The following LIMK2 variants were observed in gnomAD, a reference collection of about 807,000 sequenced individuals.
The protein encoded by LIMK2 is LIM domain kinase 2.
A neutral mutation model predicts 75.7 loss-of-function variants in LIMK2; 35 were observed. That is an observed-to-expected ratio of 0.46 (90% CI 0.35 to 0.61). The LOEUF (loss-of-function observed/expected upper bound fraction) is 0.61. Ranked by LOEUF, LIMK2 falls within the 20% of genes least tolerant of loss-of-function variation. The probability of loss-of-function intolerance (pLI) is 0.00; values close to 1 mark genes in which losing one functional copy is unlikely to be tolerated. For missense variants in LIMK2, 623 were observed against 831.0 expected, an observed-to-expected ratio of 0.75 and a Z score of 3.08; for synonymous variants, 301 against 319.2, an observed-to-expected ratio of 0.94 and a Z score of 0.61.
At chr22:31,244,768 C>T (rs931869538) in intron 2 of LIMK2, among the ~76,000 whole-genome samples, 2 of 152,186 alleles carry the variant, frequency 1.3e-5, no homozygotes, top group African/African-American at 4.8e-5. Flanking sequence ...CATTTATCAA[C>T]CTTTAATGTG....
intron 2 of LIMK2, among the ~76,000 whole-genome samples, chr22:31,236,158 A>T (rs553218027): frequency 2.0e-4 from 31 of 151,852 alleles, no homozygotes; most frequent in Non-Finnish European, 3.7e-4. Flanking sequence ...GCCAGGCATG[A>T]TGGCGGGTGC....
At chr22:31,263,179 A>T (rs760719391) in intron 7 of LIMK2, among the ~76,000 whole-genome samples, 2 of 152,220 alleles carry the variant, frequency 1.3e-5, no homozygotes, top group African/African-American at 2.4e-5. Flanking sequence ...CAAAAGATGA[A>T]TGAACGTTTT....
In LIMK2 at chr22:31,273,438, C is replaced by T; in HGVS notation, c.1559-14C>T. The T allele has an allele frequency of 6.8e-6, 11 of 1,612,256 alleles. No individual in the cohort carries two copies. The highest frequency in any genetic ancestry group is 9.3e-6 in the Non-Finnish European group (11 of 1,178,416). On this transcript the variant is annotated splice_polypyrimidine_tract_variant and intron_variant, in intron 13 of 15. Coordinates refer to ENST00000331728, the MANE Select transcript of LIMK2 (RefSeq NM_005569.4). Reference sequence around the variant, plus strand: ...GATGTAAACTTAACAGTGTGCTCTCCTGTGTTCCCCAAGGAAAGAGCTATG... The same window carrying T: ...GATGTAAACTTAACAGTGTGCTCTCTTGTGTTCCCCAAGGAAAGAGCTATG...
chr22:31,273,495 C>T lies in LIMK2; in HGVS notation c.1602C>T (p.Ile534=), dbSNP rs768335627. The change falls in exon 14 of 16, where the codon ATC becomes ATT. Residue 534 remains isoleucine, a synonymous_variant. Coordinates refer to ENST00000331728, the MANE Select transcript of LIMK2 (RefSeq NM_005569.4). Reference sequence around the variant, plus strand: ...CGGTGGATATCTTCTCCTTTGGGATCGTTCTCTGTGAGGTGAGCTCTGGCA... The same window carrying T: ...CGGTGGATATCTTCTCCTTTGGGATTGTTCTCTGTGAGGTGAGCTCTGGCA... ...DETVDIFSFG[I]VLCEIIGQVY... 3.1e-6 allele frequency: 5 copies of T among 1,613,702 alleles called. No homozygotes were observed. The highest frequency in any genetic ancestry group is 2.2e-5 in the East Asian group (1 of 44,880).
At chr22:31,215,342 A>T (rs1188075586) in intron 1 of LIMK2, among the ~76,000 whole-genome samples, 1 of 152,262 alleles carries the variant, frequency 6.6e-6, no homozygotes, top group East Asian at 1.9e-4. Flanking sequence ...TAACCGGAGA[A>T]TCGATAACAA....
At chr22:31,264,650 C>T (rs1012095661) in intron 7 of LIMK2, among the ~76,000 whole-genome samples, 5 of 152,202 alleles carry the variant, frequency 3.3e-5, no homozygotes, top group African/African-American at 4.8e-5. Flanking sequence ...TGGCCAGGCA[C>T]GGTGGCTCAC....
intron 2 of LIMK2, among the ~76,000 whole-genome samples, chr22:31,256,050 G>A (rs13055820): frequency 8.0e-6 from 1 of 125,626 alleles, no homozygotes; most frequent in Non-Finnish European, 1.6e-5. Context: ...CCAGGCTGGA[G>A]TGCAGTGGTG....
intron 4 of LIMK2, 43 bp from the exon 5 acceptor site, chr22:31,259,846 G>T: frequency 6.4e-7 from 1 of 1,558,984 alleles, no homozygotes; most frequent in Non-Finnish European, 8.6e-7. Flanking sequence ...GGGCTTCTGT[G>T]TGGGACTCTA....
chr22:31,259,932 A>G lies in LIMK2; in HGVS notation c.406A>G (p.Arg136Gly). Residue 136 changes from arginine (R) to glycine (G), a missense_variant, in exon 5 of 16, where the codon AGA (arginine) becomes GGA (glycine). Arg to Gly is a moderately radical substitution (Grantham distance 125, BLOSUM62 -2). This residue lies in a region of LIMK2 where 514 missense variants were observed against 661.3 expected (regional missense o/e 0.78). Transcript: ENST00000331728. ...NEVVLAPMFE[R>G]LSTESVQEQL... The stretch of plus-strand genomic sequence containing the variant: ...GGTGGTGCTGGCACCCATGTTTGAG[A>G]GACTCTCCACAGAGTCTGTTCAGGA... 3.1e-6 allele frequency: 5 copies of G among 1,609,954 alleles called. No individual in the cohort carries two copies. The highest frequency in any genetic ancestry group is 4.2e-6 in the Non-Finnish European group (5 of 1,178,922).
chr22:31,264,968 T>G lies in LIMK2; in HGVS notation c.855-978T>G, dbSNP rs192160088. On this transcript the variant is annotated intron_variant, in intron 7 of 15. Transcript: ENST00000331728. Reference sequence around the variant, plus strand: ...CAGCACTTAGGGAGGCCGAGACAGATGGATCGCGAGATCAGGAGTTCGAGA... The same window carrying G: ...CAGCACTTAGGGAGGCCGAGACAGAGGGATCGCGAGATCAGGAGTTCGAGA... 1.6e-3 allele frequency among the ~76,000 whole-genome samples: 240 copies of G among 150,318 alleles called. 2 individuals carry two copies. The highest frequency in any genetic ancestry group is 5.7e-3 in the African/African-American group (233 of 40,694).
chr22:31,268,304 G>A (rs1205021014), intron 11 of LIMK2, 104 bp downstream of exon 11: 1 of 924,062 alleles, frequency 1.1e-6, no homozygotes, highest in Admixed American at 1.7e-5. Context: ...CAACTTGTGT[G>A]GGCTGGGTCA....
At chr22:31,233,364 T>G (rs762441916) in intron 2 of LIMK2, among the ~76,000 whole-genome samples, 1 of 152,262 alleles carries the variant, frequency 6.6e-6, no homozygotes, top group Non-Finnish European at 1.5e-5. Context: ...TCTGTCAGTC[T>G]TGAAATGTTC....
At chr22:31,251,739 G>A (rs1378841374) in intron 2 of LIMK2, among the ~76,000 whole-genome samples, 1 of 152,208 alleles carries the variant, frequency 6.6e-6, no homozygotes, top group Non-Finnish European at 1.5e-5. Flanking sequence ...GGATCTGCAG[G>A]AAGGAGGAGT....
chr22:31,260,530 A>G (rs1401970966), intron 5 of LIMK2, among the ~76,000 whole-genome samples: 1 of 152,236 alleles, frequency 6.6e-6, no homozygotes, highest in African/African-American at 2.4e-5. Flanking sequence ...AATGTGGTCC[A>G]TGGCCCAAAA....
At chr22:31,241,148 G>A (rs1289671326) in intron 2 of LIMK2, among the ~76,000 whole-genome samples, 2 of 152,194 alleles carry the variant, frequency 1.3e-5, no homozygotes, top group Non-Finnish European at 2.9e-5. Context: ...ATCTGAAGTG[G>A]GACTCAGGAA....
chr22:31,225,688 T>C, intron 1 of LIMK2, 32 bp from the exon 2 acceptor site: 1 of 1,550,544 alleles, frequency 6.4e-7, no homozygotes, highest in Non-Finnish European at 8.9e-7. Context: ...CCTGCTACTT[T>C]GGGCCTCTCA....
chr22:31,234,147 G>C (rs2048551394), intron 2 of LIMK2, among the ~76,000 whole-genome samples: 1 of 151,810 alleles, frequency 6.6e-6, no homozygotes, highest in Non-Finnish European at 1.5e-5. Context: ...CAAGTAGCTG[G>C]GATTAAGGCA....
chr22:31,249,831 A>AG, intron 2 of LIMK2, among the ~76,000 whole-genome samples: 1 of 152,178 alleles, frequency 6.6e-6, no homozygotes. Flanking sequence ...GTGTCTGGAC[A>AG]GGGGGAAGGG....
At chr22:31,216,031 T>C (rs964519125) in intron 1 of LIMK2, among the ~76,000 whole-genome samples, 1 of 152,128 alleles carries the variant, frequency 6.6e-6, no homozygotes, top group Non-Finnish European at 1.5e-5. Context: ...TGGGGAGAGA[T>C]AGACAGCAAG....
Sources: allele counts gnomAD v4.1 joint callset (sites outside exome capture counted in the v4.1 genomes callset), GRCh38; gene constraint gnomAD v4.1.1; regional missense constraint gnomAD v4.1.1; transcripts MANE v1.5; gene names NCBI Gene and HGNC (gene_info 2026-07-23, HGNC 2026-07-21).